TRDMT1: variants seen among roughly 807,000 people sequenced by gnomAD.
TRDMT1 encodes the protein tRNA (cytosine(38)-C(5))-methyltransferase.
Under a neutral mutation model 51.2 loss-of-function variants are expected in TRDMT1, and 49 were observed. The ratio of observed to expected loss-of-function variants is 0.96; its 90% CI spans 0.76 to 1.21. The LOEUF (loss-of-function observed/expected upper bound fraction) is 1.21. TRDMT1 is among the 50% of genes most tolerant of loss of function. The probability of loss-of-function intolerance (pLI) is 0.00; values close to 1 mark genes in which losing one functional copy is unlikely to be tolerated. For missense variants in TRDMT1, 534 were observed against 462.3 expected (o/e 1.16, Z -1.42); for synonymous variants, 187 against 164.6 (o/e 1.14, Z -1.04).
chr10:17,176,833 A>T (rs541937311), intron 1 of TRDMT1, among the ~76,000 whole-genome samples: 14 of 152,298 alleles, frequency 9.2e-5, no homozygotes, highest in Non-Finnish European at 1.8e-4. Flanking sequence ...TTAAATCTAC[A>T]ATCTCCAAAA....
chr10:17,168,098 T>G (rs1185441294), intron 3 of TRDMT1, among the ~76,000 whole-genome samples: 1 of 152,054 alleles, frequency 6.6e-6, no homozygotes, highest in Admixed American at 6.6e-5. Context: ...AGCCCAGGGC[T>G]TTTAGGCCAG....
At chr10:17,162,470 G>A (rs925887910) in intron 3 of TRDMT1, among the ~76,000 whole-genome samples, 3 of 152,186 alleles carry the variant, frequency 2.0e-5, no homozygotes, top group Non-Finnish European at 4.4e-5. Flanking sequence ...CACTTTGGGA[G>A]GTGAGGCAGG....
chr10:17,180,402 A>C (rs1186436946), intron 1 of TRDMT1, among the ~76,000 whole-genome samples: 2 of 152,072 alleles, frequency 1.3e-5, no homozygotes, highest in Non-Finnish European at 2.9e-5. Context: ...TCAGCTAGGC[A>C]TGGTGGTAGG....
intron 1 of TRDMT1, among the ~76,000 whole-genome samples, chr10:17,197,748 A>G (rs551698094): frequency 6.0e-4 from 92 of 152,294 alleles, no homozygotes; most frequent in African/African-American, 2.1e-3. Flanking sequence ...AAAGACCCTC[A>G]ACAACCCGGC....
intron 1 of TRDMT1, among the ~76,000 whole-genome samples, chr10:17,182,940 G>A (rs1278075401): frequency 6.6e-6 from 1 of 152,158 alleles, no homozygotes; most frequent in East Asian, 1.9e-4. Context: ...CTAGCAGCTT[G>A]GCAAAGATTG....
chr10:17,151,516 C>T (rs970589257), intron 10 of TRDMT1: 4 of 985,084 alleles, frequency 4.1e-6, no homozygotes, highest in African/African-American at 3.5e-5. Context: ...ATGTTGGAAA[C>T]ACACATGAGG....
rs965596349 is a variant in TRDMT1 at position 17,152,178 on chromosome 10, T to C, written c.1075+1329A>G. The C allele has an allele frequency of 5.9e-6, 6 of 1,024,688 alleles. No individual in the cohort carries two copies. The African/African-American group carries it at 1.0e-4, about 17-fold the overall frequency. The allele number at this position is 1,024,688 out of a possible 1,614,324, so 63.5% of individuals were successfully genotyped here. ...TCTTAAGTCTAATTCTCAGCTCTTC[T>C]ATTTGTTTTGTAATGCTGTCACTCG... is the stretch of plus-strand genomic sequence containing the variant. On this transcript the variant is annotated intron_variant, in intron 10 of 10. Transcript: ENST00000377799.
At chr10:17,170,373 T>C (rs1038497408) in intron 2 of TRDMT1, among the ~76,000 whole-genome samples, 2 of 152,206 alleles carry the variant, frequency 1.3e-5, no homozygotes, top group Admixed American at 6.5e-5. Context: ...TGACTAAATA[T>C]TTTAAAGCCA....
intron 10 of TRDMT1, chr10:17,151,844 T>C (rs1588703566): frequency 2.1e-6 from 2 of 939,074 alleles, no homozygotes; most frequent in African/African-American, 1.8e-5. Context: ...ACTATCACAA[T>C]AACTCTATGA....
intron 2 of TRDMT1, among the ~76,000 whole-genome samples, chr10:17,172,263 C>G (rs1357867269): frequency 6.6e-6 from 1 of 152,272 alleles, no homozygotes; most frequent in Middle Eastern, 3.4e-3. Context: ...GAAATTATTA[C>G]AGACCTTAAG....
chr10:17,197,033 C>A (rs1289172842), intron 1 of TRDMT1, among the ~76,000 whole-genome samples: 3 of 152,160 alleles, frequency 2.0e-5, no homozygotes, highest in African/African-American at 7.2e-5. Flanking sequence ...TGTGGCCATA[C>A]CCACACTATA....
At position 17,141,573 on chromosome 10, in the gene TRDMT1, T is replaced by G. The variant is rs1280337331; in HGVS notation, c.*7467A>C. ...TCTGGCACCCCAAACATATAAATGT[T>G]GGTTCTTCTGTTATTGTCCCACAGG... On this transcript the variant is annotated 3_prime_UTR_variant, in exon 11 of 11. Coordinates refer to ENST00000377799, the MANE Select transcript of TRDMT1 (RefSeq NM_004412.7). Among the ~76,000 whole-genome samples the G allele has an allele frequency of 6.6e-6, 1 of 152,206 alleles. No homozygotes were observed. The highest frequency in any genetic ancestry group is 1.5e-5 in the Non-Finnish European group (1 of 68,034).
chr10:17,170,880 C>T (rs1456043833), intron 2 of TRDMT1, among the ~76,000 whole-genome samples: 1 of 152,032 alleles, frequency 6.6e-6, no homozygotes, highest in South Asian at 2.1e-4. Context: ...CTTATTAAAG[C>T]ACTAATTGTT....
At chr10:17,170,846 TATC>T (rs1161746612) in intron 2 of TRDMT1, among the ~76,000 whole-genome samples, 3 of 152,112 alleles carry the variant, frequency 2.0e-5, no homozygotes, top group Admixed American at 1.3e-4. Context: ...TGCTGTAGGT[TATC>T]ATATTTTTGT....
chr10:17,199,297 G>A (rs1301091278), intron 1 of TRDMT1, among the ~76,000 whole-genome samples: 2 of 152,128 alleles, frequency 1.3e-5, no homozygotes, highest in African/African-American at 4.8e-5. Flanking sequence ...GTACAGGGAG[G>A]CAGGAAAGTT....
At chr10:17,181,518 G>A (rs998369596) in intron 1 of TRDMT1, among the ~76,000 whole-genome samples, 1 of 152,056 alleles carries the variant, frequency 6.6e-6, no homozygotes, top group South Asian at 2.1e-4. Flanking sequence ...GAGAATAAGT[G>A]AATTATACTT....
intron 1 of TRDMT1, among the ~76,000 whole-genome samples, chr10:17,185,741 T>TTCA (rs1457607426): frequency 6.6e-6 from 1 of 151,904 alleles, no homozygotes; most frequent in Non-Finnish European, 1.5e-5. Context: ...AAAGGATGAG[T>TTCA]TCATGTCCTT....
chr10:17,188,544 C>T (rs563191661), intron 1 of TRDMT1, among the ~76,000 whole-genome samples: 1 of 152,216 alleles, frequency 6.6e-6, no homozygotes, highest in African/African-American at 2.4e-5. Flanking sequence ...GGAGAAGCCT[C>T]CAACATATTT....
Position 17,145,973 on chromosome 10 carries a change from G to C in TRDMT1, c.*3067C>G. ...AGACCTCAACTAGGTTGAGATGGGAGCAAAAACCCAGATGGTGATTTCTGC... is the reference window on the plus strand; with the variant it reads ...AGACCTCAACTAGGTTGAGATGGGACCAAAAACCCAGATGGTGATTTCTGC... On this transcript the variant is annotated 3_prime_UTR_variant, in exon 11 of 11. Transcript: ENST00000377799. The C allele has an allele frequency of 1.0e-6, 1 of 985,418 alleles. No individual in the cohort carries two copies. 61.0% of individuals were successfully genotyped at this position (985,418 alleles called of 1,614,324 possible).
Sources: allele counts gnomAD v4.1 joint callset (sites outside exome capture counted in the v4.1 genomes callset), GRCh38; gene constraint gnomAD v4.1.1; transcripts MANE v1.5; gene names NCBI Gene and HGNC (gene_info 2026-07-23, HGNC 2026-07-21).